Variants in TGFBR3 observed in about 807,000 individuals in gnomAD.
TGFBR3 encodes the protein transforming growth factor beta receptor 3, also known as transforming growth factor beta receptor type 3.
TGFBR3 carries 46 observed loss-of-function variants against 87.9 expected under a neutral mutation model. That is an observed-to-expected ratio of 0.52 (90% confidence interval 0.41 to 0.67). The LOEUF is 0.67. TGFBR3 is among the 30% of genes least tolerant of loss of function. The pLI, the probability that TGFBR3 is intolerant of heterozygous loss-of-function variation, is 0.00. For missense variants in TGFBR3, 866 were observed against 1,041.9 expected, an observed-to-expected ratio of 0.83 and a Z score of 2.32; for synonymous variants, 381 against 391.6, an observed-to-expected ratio of 0.97 and a Z score of 0.32.
At chr1:91,722,485 T>C (rs1321227844) in intron 7 of TGFBR3, among the ~76,000 whole-genome samples, 2 of 65,454 alleles carry the variant, frequency 3.1e-5, no homozygotes, top group Admixed American at 2.1e-4. Flanking sequence ...AGTACATATG[T>C]ATAATAAACT....
intron 5 of TGFBR3, 89 bp downstream of exon 5, chr1:91,734,685 CTG>C: frequency 6.7e-7 from 1 of 1,499,358 alleles, no homozygotes; most frequent in Non-Finnish European, 9.3e-7. Flanking sequence ...TTCTGTAATT[CTG>C]TGATTCCTTG....
intron 3 of TGFBR3, among the ~76,000 whole-genome samples, chr1:91,763,200 G>C (rs932625791): frequency 6.6e-6 from 1 of 152,170 alleles, no homozygotes; most frequent in African/African-American, 2.4e-5. Flanking sequence ...ATAGATGCAA[G>C]GCATTTCTAC....
chr1:91,762,355 C>G (rs1241643059), intron 3 of TGFBR3, among the ~76,000 whole-genome samples: 1 of 152,074 alleles, frequency 6.6e-6, no homozygotes, highest in African/African-American at 2.4e-5. Flanking sequence ...ACCCATTAAC[C>G]CAGATTAAGA....
intron 3 of TGFBR3, among the ~76,000 whole-genome samples, chr1:91,762,349 A>T (rs1674000674): frequency 6.6e-6 from 1 of 152,212 alleles, no homozygotes; most frequent in Admixed American, 6.5e-5. Context: ...TTAGGCACCC[A>T]TTAACCCAGA....
intron 2 of TGFBR3, among the ~76,000 whole-genome samples, chr1:91,836,399 A>G (rs1486131983): frequency 6.8e-6 from 1 of 147,006 alleles, no homozygotes; most frequent in African/African-American, 2.6e-5. Context: ...ACCCAGGGAG[A>G]TGGATATTAT....
At chr1:91,784,482 G>A (rs1324427884) in intron 3 of TGFBR3, among the ~76,000 whole-genome samples, 2 of 152,188 alleles carry the variant, frequency 1.3e-5, no homozygotes, top group Non-Finnish European at 2.9e-5. Flanking sequence ...ACACGATTCA[G>A]CAGCAAGTAA....
At chr1:91,703,547 T>G (rs1012225142) in intron 14 of TGFBR3, among the ~76,000 whole-genome samples, 1 of 152,360 alleles carries the variant, frequency 6.6e-6, no homozygotes, top group East Asian at 1.9e-4. Flanking sequence ...TTATTGCTCC[T>G]GATGACATCC....
At chr1:91,742,918 G>A (rs1258398517) in intron 4 of TGFBR3, among the ~76,000 whole-genome samples, 4 of 152,026 alleles carry the variant, frequency 2.6e-5, no homozygotes, top group African/African-American at 7.2e-5. Context: ...AAGAACTTAC[G>A]GCTAGGCAAC....
chr1:91,899,013 A>G (rs1251064197), intron 2 of TGFBR3, among the ~76,000 whole-genome samples: 2 of 152,274 alleles, frequency 1.3e-5, no homozygotes, highest in South Asian at 2.1e-4. Flanking sequence ...CCTCCTTGTG[A>G]TACTTATTCA....
intron 2 of TGFBR3, among the ~76,000 whole-genome samples, chr1:91,845,324 C>A (rs1013358727): frequency 6.6e-6 from 1 of 152,180 alleles, no homozygotes; most frequent in Admixed American, 6.5e-5. Flanking sequence ...GACGCTGAGG[C>A]CTGTCAACAG....
At chr1:91,810,219 A>G (rs2101036855) in intron 2 of TGFBR3, among the ~76,000 whole-genome samples, 1 of 152,194 alleles carries the variant, frequency 6.6e-6, no homozygotes, top group Non-Finnish European at 1.5e-5. Context: ...CCACCACACC[A>G]GCTCATGTCT....
chr1:91,848,823 A>G (rs1677607802), intron 2 of TGFBR3, among the ~76,000 whole-genome samples: 1 of 152,240 alleles, frequency 6.6e-6, no homozygotes, highest in Admixed American at 6.5e-5. Flanking sequence ...GTAAGCAAGG[A>G]AAAGAGGGTT....
chr1:91,834,272 A>C (rs1355123384), intron 2 of TGFBR3, among the ~76,000 whole-genome samples: 1 of 152,352 alleles, frequency 6.6e-6, no homozygotes, highest in African/African-American at 2.4e-5. Context: ...CTTCAATAAG[A>C]GTTGAAACCT....
At chr1:91,887,235 C>CTTTTTTTTTT (rs1557764185), upstream of TGFBR3, among the ~76,000 whole-genome samples, 2 of 12,804 alleles carry the variant, frequency 1.6e-4, no homozygotes, top group Non-Finnish European at 6.2e-4. Context: ...TGGACCTATG[C>CTTTTTTTTTT]CTTTTTTTTT....
chr1:91,853,013 G>GC (rs1677798087), intron 2 of TGFBR3, among the ~76,000 whole-genome samples: 1 of 151,454 alleles, frequency 6.6e-6, no homozygotes, highest in Non-Finnish European at 1.5e-5. Context: ...ACAAAAATTA[G>GC]CCAGGCATAG....
In TGFBR3 at chr1:91,801,386, G is replaced by A. The variant is rs1024816722; in HGVS notation, c.62-3915C>T. Among the ~76,000 whole-genome samples the A allele has an allele frequency of 2.4e-4, 37 of 152,238 alleles. 1 individual carries two copies. The highest frequency in any genetic ancestry group is 1.8e-3 in the Admixed American group (27 of 15,308). On this transcript the variant is annotated intron_variant, in intron 2 of 16. Transcript: ENST00000212355. Reference sequence around the variant, plus strand: ...ATGGTGCCCGTGGAGATGGAGAGAAGGGGACAGAGTTAAGTGGCCAGGGAG... The same window carrying A: ...ATGGTGCCCGTGGAGATGGAGAGAAAGGGACAGAGTTAAGTGGCCAGGGAG...
chr1:91,859,993 C>T (rs963557653), intron 2 of TGFBR3, among the ~76,000 whole-genome samples: 25 of 151,976 alleles, frequency 1.6e-4, no homozygotes, highest in African/African-American at 6.0e-4. Flanking sequence ...AGCTGACTCT[C>T]GCTTAGTCTA....
At position 91,771,471 on chromosome 1, in the gene TGFBR3, G is replaced by A. The variant is rs17884240; in HGVS notation, c.247-12721C>T. Among the ~76,000 whole-genome samples the A allele has an allele frequency of 5.9e-3, 900 of 152,202 alleles. 3 individuals carry two copies. The highest frequency in any genetic ancestry group is 0.02 in the Middle Eastern group (6 of 294). On this transcript the variant is annotated intron_variant, in intron 3 of 16. Transcript: ENST00000212355. ...TGTAATCCCAGCACTTTGGAAGGCCGAGGTGGATGGATCCTGAGGTCAGGA... is the reference window on the plus strand; with the variant it reads ...TGTAATCCCAGCACTTTGGAAGGCCAAGGTGGATGGATCCTGAGGTCAGGA...
chr1:91,782,097 G>T (rs4658269), intron 3 of TGFBR3, among the ~76,000 whole-genome samples: 36,474 of 152,060 alleles, frequency 0.24, 5,173 homozygotes, highest in Middle Eastern at 0.39. Flanking sequence ...TGCAACACAT[G>T]GGCTGACAAC....
Sources: allele counts gnomAD v4.1 joint callset (sites outside exome capture counted in the v4.1 genomes callset), GRCh38; gene constraint gnomAD v4.1.1; transcripts MANE v1.5; gene names NCBI Gene and HGNC (gene_info 2026-07-23, HGNC 2026-07-21).